RER1: variants seen among roughly 807,000 people sequenced by gnomAD.
RER1 encodes the protein retention in endoplasmic reticulum sorting receptor 1.
A neutral mutation model predicts 28.3 loss-of-function variants in RER1; 6 were observed. The observed-to-expected ratio is 0.21, with a 90% CI of 0.12 to 0.42. RER1 has a LOEUF of 0.42. Ranked by LOEUF, RER1 falls within the 10% of genes least tolerant of loss-of-function variation. The pLI, the probability that RER1 is intolerant of heterozygous loss-of-function variation, is 1.00. For synonymous variants in RER1, 110 were observed against 95.9 expected (o/e 1.15, Z -0.86); for missense variants, 159 against 252.9 (o/e 0.63, Z 2.52).
chr1:2,401,061 G>C (rs777310477), intron 5 of RER1, 126 bp downstream of exon 5: 15 of 777,474 alleles, frequency 1.9e-5, no homozygotes, highest in Admixed American at 6.2e-5. Flanking sequence ...ACGGGGAATC[G>C]CAGGGGCTCT....
At position 2,392,410 on chromosome 1, in the gene RER1, C is replaced by T. The variant is rs573864892; in HGVS notation, c.-8+452C>T. Among the ~76,000 whole-genome samples, 3 of 152,302 alleles carry T rather than the reference C, an allele frequency of 2.0e-5. No individual in the cohort carries two copies. In the South Asian group the frequency reaches 6.2e-4, roughly 32 times the overall value. ...TATCTGTAGGATTTAGTGTTAAGCT[C>T]TGGGGTGAAGGCGTTACTGACGGGC... On this transcript the variant is annotated intron_variant, in intron 1 of 6. Transcript: ENST00000605895.
intron 1 of RER1, among the ~76,000 whole-genome samples, chr1:2,392,472 C>T (rs1570070113): frequency 2.0e-5 from 3 of 152,334 alleles, no homozygotes. Flanking sequence ...TGATCGTATT[C>T]TAAATAGGCA....
At chr1:2,398,496 C>T (rs1479655120) in intron 3 of RER1, among the ~76,000 whole-genome samples, 1 of 152,262 alleles carries the variant, frequency 6.6e-6, no homozygotes, top group Non-Finnish European at 1.5e-5. Flanking sequence ...TCAAGTGATT[C>T]TCTTACTTCA....
At chr1:2,397,327 G>GTA (rs1642781321) in intron 3 of RER1, 107 bp downstream of exon 3, 2 of 750,864 alleles carry the variant, frequency 2.7e-6, no homozygotes, top group East Asian at 5.0e-5. Flanking sequence ...GTGGTCTCTA[G>GTA]TAATCAATTT....
rs1306421596 is a variant in RER1 at position 2,403,488 on chromosome 1, C to T, written c.*364C>T. On this transcript the variant is annotated 3_prime_UTR_variant, in exon 7 of 7. Coordinates refer to ENST00000605895, the MANE Select transcript of RER1 (RefSeq NM_007033.5). ...GGAGGAACGGGCCGCTCCCCGCCAG[C>T]CGCCTTCCCCAGCAGCCGCAGGTGG... is the stretch of plus-strand genomic sequence containing the variant. The T allele has an allele frequency of 6.8e-6, 2 of 291,976 alleles. No homozygotes were observed. The highest frequency in any genetic ancestry group is 2.3e-5 in the African/African-American group (1 of 44,406). The allele number at this position is 291,976 out of a possible 1,614,324, so 18.1% of individuals were successfully genotyped here. A position where few individuals can be genotyped will look rare whatever the true frequency, so the allele number is the denominator to read the frequency against.
chr1:2,396,735 G>T (rs1029659851), intron 2 of RER1, among the ~76,000 whole-genome samples: 1 of 152,208 alleles, frequency 6.6e-6, no homozygotes. Flanking sequence ...TGCAGATGGG[G>T]GAGCTGACTT....
In RER1 at chr1:2,403,232, CT is replaced by C. The variant is rs1334406479; in HGVS notation, c.*113del. On this transcript the variant is annotated 3_prime_UTR_variant, in exon 7 of 7. Coordinates refer to ENST00000605895, the MANE Select transcript of RER1 (RefSeq NM_007033.5). ...GTTGATTACGAGGGAGTCAAATTTTCTTTTTAAAAAGGAGCTTCAATGATTT... is the reference window on the plus strand; with the variant it reads ...GTTGATTACGAGGGAGTCAAATTTTCTTTTAAAAAGGAGCTTCAATGATTT... 2 of 825,710 alleles carry C rather than the reference CT, an allele frequency of 2.4e-6. No homozygotes were observed. The allele number at this position is 825,710 out of a possible 1,614,324, so 51.1% of individuals were successfully genotyped here.
rs1393679137 is a variant in RER1 at position 2,403,227 on chromosome 1, A to G, written c.*103A>G. On this transcript the variant is annotated 3_prime_UTR_variant, in exon 7 of 7. Coordinates refer to ENST00000605895, the MANE Select transcript of RER1 (RefSeq NM_007033.5). ...AAGTAGTTGATTACGAGGGAGTCAA[A>G]TTTTCTTTTTAAAAAGGAGCTTCAA... 1 of 858,512 alleles carries G rather than the reference A, an allele frequency of 1.2e-6. No individual in the cohort carries two copies. The highest frequency in any genetic ancestry group is 2.6e-5 in the East Asian group (1 of 38,530). 53.2% of individuals were successfully genotyped at this position (858,512 alleles called of 1,614,324 possible).
chr1:2,401,047 G>A (rs1317550114), intron 5 of RER1, 112 bp downstream of exon 5: 2 of 903,086 alleles, frequency 2.2e-6, no homozygotes, highest in Non-Finnish European at 3.6e-6. Flanking sequence ...GTGCTGGGCT[G>A]GGCACGGGGA....
At chr1:2,402,985 C>A in intron 6 of RER1, 50 bp from the exon 7 acceptor site, 1 of 1,491,294 alleles carries the variant, frequency 6.7e-7, no homozygotes, top group Non-Finnish European at 9.3e-7. Context: ...GACAGTGTGA[C>A]TGACTGGAGA....
At chr1:2,397,013 T>G in intron 2 of RER1, 103 bp from the exon 3 acceptor site, 2 of 680,542 alleles carry the variant, frequency 2.9e-6, no homozygotes, top group South Asian at 3.6e-5. Flanking sequence ...TTTTAGCTGT[T>G]TTAAAAATTG....
At position 2,395,888 on chromosome 1, in the gene RER1, G is replaced by A; in HGVS notation, c.81+17G>A. On this transcript the variant is annotated intron_variant, in intron 2 of 6. Coordinates refer to ENST00000605895, the MANE Select transcript of RER1 (RefSeq NM_007033.5). ...CTTGGACAGGTTGGTGGGTTTTTTA[G>A]TAGATGAGTATAAATATTTGAAAAA... 4 of 1,569,304 alleles carry A rather than the reference G, an allele frequency of 2.5e-6. No homozygotes were observed. Among genetic ancestry groups the A allele is most frequent in the Non-Finnish European group, 3.5e-6 (4 of 1,139,216 alleles).
intron 5 of RER1, 177 bp from the exon 6 acceptor site, chr1:2,402,030 T>C: frequency 6.5e-7 from 1 of 1,545,206 alleles, no homozygotes; most frequent in Non-Finnish European, 8.8e-7. Context: ...GGGCAGTACA[T>C]GTCTGTGAGC....
In RER1 at chr1:2,403,052, G is replaced by T; in HGVS notation, c.519G>T (p.Arg173=). The T allele has an allele frequency of 6.2e-7, 1 of 1,613,912 alleles. No homozygotes were observed. Among genetic ancestry groups the T allele is most frequent in the Non-Finnish European group, 8.5e-7 (1 of 1,179,886 alleles). ...KRQIKHMIKY[R]YIPFTHGKRR... is the part of the protein sequence containing the mutation. ...CTCCCCAGCACATGATTAAGTACCG[G>T]TACATCCCGTTCACACATGGGAAGA... The change falls in exon 7 of 7, where the codon CGG becomes CGT. Residue 173 remains arginine, a synonymous_variant. Transcript: ENST00000605895.
chr1:2,403,338 G>A lies in RER1; in HGVS notation c.*214G>A, dbSNP rs575166071. Reference sequence around the variant, plus strand: ...ATTTCTTTTTCAGTGACGTTCAAGTGTTTCTCACGGATGGAATTCTAGTCA... The same window carrying A: ...ATTTCTTTTTCAGTGACGTTCAAGTATTTCTCACGGATGGAATTCTAGTCA... On this transcript the variant is annotated 3_prime_UTR_variant, in exon 7 of 7. Coordinates refer to ENST00000605895, the MANE Select transcript of RER1 (RefSeq NM_007033.5). 1.0e-4 allele frequency: 50 copies of A among 500,130 alleles called. No individual in the cohort carries two copies. The highest frequency in any genetic ancestry group is 1.8e-4 in the Non-Finnish European group (48 of 274,048). The allele number at this position is 500,130 out of a possible 1,614,324, so 31.0% of individuals were successfully genotyped here.
At position 2,391,897 on chromosome 1, in the gene RER1, C is replaced by T. The variant is rs918111765; in HGVS notation, c.-69C>T. On this transcript the variant is annotated 5_prime_UTR_variant, in exon 1 of 7. Transcript: ENST00000605895. ...CGCAGCGCCTGCGGCCGCCCGTGCC[C>T]CGCCGTCCTCCTTCCCGCGGCCGTG... 3 of 225,450 alleles carry T rather than the reference C, an allele frequency of 1.3e-5. No homozygotes were observed. Among genetic ancestry groups the T allele is most frequent in the Non-Finnish European group, 1.7e-5 (2 of 116,184 alleles). 14.0% of individuals were successfully genotyped at this position (225,450 alleles called of 1,614,324 possible). A position where few individuals can be genotyped will look rare whatever the true frequency, so the allele number is the denominator to read the frequency against.
intron 4 of RER1, among the ~76,000 whole-genome samples, chr1:2,400,220 C>G (rs1435471420): frequency 6.6e-6 from 1 of 152,236 alleles, no homozygotes; most frequent in African/African-American, 2.4e-5. Context: ...CTGGGGGAAC[C>G]TGCTGTCAGG....
chr1:2,403,283 A>G lies in RER1; in HGVS notation c.*159A>G. 1 of 605,392 alleles carries G rather than the reference A, an allele frequency of 1.7e-6. No individual in the cohort carries two copies. Among genetic ancestry groups the G allele is most frequent in the Non-Finnish European group, 3.0e-6 (1 of 335,938 alleles). 37.5% of individuals were successfully genotyped at this position (605,392 alleles called of 1,614,324 possible). ...TGTAACTGAAATATCAGGTTCTAGA[A>G]GAAACTGGCGCTTAAACCAAATCGC... is the stretch of plus-strand genomic sequence containing the variant. On this transcript the variant is annotated 3_prime_UTR_variant, in exon 7 of 7. Transcript: ENST00000605895.
intron 1 of RER1, chr1:2,395,437 C>T (rs1642755291): frequency 6.2e-6 from 2 of 320,528 alleles, no homozygotes; most frequent in South Asian, 3.0e-5. Context: ...GGAGGACATG[C>T]AGTGCCACGT....
Sources: gnomAD v4.1 joint callset for allele counts (sites outside exome capture counted in the v4.1 genomes callset) on GRCh38, gnomAD v4.1.1 for gene constraint, MANE v1.5 for transcripts, NCBI Gene and HGNC (gene_info 2026-07-23, HGNC 2026-07-21) for gene names.